LRRC37A: variants seen among roughly 807,000 people sequenced by gnomAD.
LRRC37A encodes leucine rich repeat containing 37A, also known as leucine-rich repeat-containing protein 37A.
Under a neutral mutation model 35.4 loss-of-function variants are expected in LRRC37A, and 3 were observed. The ratio of observed to expected loss-of-function variants is 0.08; its 90% confidence interval spans 0.04 to 0.22. The LOEUF is 0.22. Among genes scored for constraint, LRRC37A ranks in the 10% least tolerant of loss-of-function variants. LRRC37A has a pLI of 1.00. For missense variants in LRRC37A, 67 were observed against 565.3 expected (o/e 0.12, Z 8.94); for synonymous variants, 23 against 215.0 (o/e 0.11, Z 7.81).
chr17:46,260,544 C>A, the LRRC37A span: 1 of 1,575,034 alleles, frequency 6.3e-7, no homozygotes, highest in Non-Finnish European at 8.7e-7. Flanking sequence ...TCTCCCTGAC[C>A]CACGCCTCCA....
the LRRC37A span, chr17:46,268,636 G>C: frequency 6.4e-7 from 1 of 1,553,536 alleles, no homozygotes; most frequent in Non-Finnish European, 8.7e-7. Flanking sequence ...TATGTGAAAA[G>C]GTTTAACCCA....
the LRRC37A span, chr17:46,275,250 T>A: frequency 4.2e-6 from 2 of 478,624 alleles, no homozygotes; most frequent in Non-Finnish European, 6.9e-6. Context: ...TGGACTGTTA[T>A]GACCAATAAA....
chr17:46,270,278 G>T, the LRRC37A span, among the ~76,000 whole-genome samples: 2 of 152,186 alleles, frequency 1.3e-5, no homozygotes, highest in African/African-American at 4.8e-5. Flanking sequence ...AGGACGGGAC[G>T]CTAGGGAATC....
the LRRC37A span, among the ~76,000 whole-genome samples, chr17:46,274,357 T>C: frequency 6.6e-6 from 1 of 152,278 alleles, no homozygotes; most frequent in Admixed American, 6.5e-5. Flanking sequence ...TGTACTGTTA[T>C]ATTCAAGTCA....
chr17:46,275,182 G>C, the LRRC37A span: 1 of 310,682 alleles, frequency 3.2e-6, no homozygotes, highest in Non-Finnish European at 5.7e-6. Context: ...GTGAGCCACC[G>C]CACCTGGCAA....
the LRRC37A span, among the ~76,000 whole-genome samples, chr17:46,282,478 G>A: frequency 4.7e-5 from 7 of 149,878 alleles, no homozygotes; most frequent in South Asian, 6.3e-4. Flanking sequence ...GGAGTGGCTC[G>A]ATCATAGTTC....
At chr17:46,263,154 C>G in the LRRC37A span, among the ~76,000 whole-genome samples, 1 of 152,104 alleles carries the variant, frequency 6.6e-6, no homozygotes, top group African/African-American at 2.4e-5. Flanking sequence ...GTCAAGGCCA[C>G]AGTGAGCCTT....
the LRRC37A span, among the ~76,000 whole-genome samples, chr17:46,257,391 T>C: frequency 1.3e-5 from 2 of 149,326 alleles, no homozygotes; most frequent in Non-Finnish European, 3.0e-5. Context: ...AGGCGGAGGT[T>C]GCAGTGAGCC....
chr17:46,270,502 T>C, the LRRC37A span, among the ~76,000 whole-genome samples: 1 of 152,262 alleles, frequency 6.6e-6, no homozygotes, highest in Non-Finnish European at 1.5e-5. Context: ...AGATGCATTA[T>C]TGCATGATAG....
chr17:46,273,021 A>C, the LRRC37A span, among the ~76,000 whole-genome samples: 89 of 152,298 alleles, frequency 5.8e-4, no homozygotes, highest in African/African-American at 2.0e-3. Flanking sequence ...GTCCTATTAC[A>C]TACAAAAGAA....
At chr17:46,263,338 C>G in the LRRC37A span, among the ~76,000 whole-genome samples, 1 of 151,822 alleles carries the variant, frequency 6.6e-6, no homozygotes, top group Non-Finnish European at 1.5e-5. Context: ...GATTACTTGG[C>G]CCAGGAGTTT....
chr17:46,314,902 T>C (rs1286275481), intron 5 of LRRC37A, among the ~76,000 whole-genome samples: 1 of 79,482 alleles, frequency 1.3e-5, no homozygotes, highest in African/African-American at 3.2e-5. Flanking sequence ...AAAGACTTTA[T>C]GAAGGATTGG....
the LRRC37A span, among the ~76,000 whole-genome samples, chr17:46,248,937 G>A: frequency 6.6e-6 from 1 of 151,640 alleles, no homozygotes; most frequent in Non-Finnish European, 1.5e-5. Context: ...AACATGGATG[G>A]AGAATACTTG....
chr17:46,269,183 G>A, the LRRC37A span, among the ~76,000 whole-genome samples: 15 of 152,138 alleles, frequency 9.9e-5, no homozygotes, highest in South Asian at 4.1e-4. Context: ...CCTATGAAAC[G>A]TCATTTAGAT....
chr17:46,268,383 A>G, the LRRC37A span: 1 of 799,290 alleles, frequency 1.3e-6, no homozygotes, highest in Non-Finnish European at 1.7e-6. Flanking sequence ...ACTAAATATC[A>G]GTTTCAACTT....
upstream of LRRC37A, among the ~76,000 whole-genome samples, chr17:46,291,376 G>C (rs186215393): frequency 6.6e-6 from 1 of 152,024 alleles, no homozygotes; most frequent in East Asian, 1.9e-4. Context: ...ACTGTGAGCA[G>C]GACTAAAACT....
chr17:46,267,277 G>A, the LRRC37A span: 3 of 1,110,188 alleles, frequency 2.7e-6, no homozygotes, highest in African/African-American at 5.1e-5. Flanking sequence ...CAACGCCCAG[G>A]GACTGGGAGA....
chr17:46,256,784 C>T, the LRRC37A span, among the ~76,000 whole-genome samples: 1 of 151,868 alleles, frequency 6.6e-6, no homozygotes, highest in East Asian at 1.9e-4. Flanking sequence ...GTAGAGCAAC[C>T]CAATAAAAAC....
chr17:46,271,327 A>G, the LRRC37A span, among the ~76,000 whole-genome samples: 1 of 140,760 alleles, frequency 7.1e-6, no homozygotes, highest in Non-Finnish European at 1.5e-5. Flanking sequence ...CACTTTACCT[A>G]GCTAATTTTT....
Sources: gnomAD v4.1 joint callset for allele counts (sites outside exome capture counted in the v4.1 genomes callset) on GRCh38, gnomAD v4.1.1 for gene constraint, MANE v1.5 for transcripts, NCBI Gene and HGNC (gene_info 2026-07-23, HGNC 2026-07-21) for gene names.